ZNF860: variants seen among roughly 807,000 people sequenced by gnomAD.
ZNF860 encodes zinc finger protein 860.
For missense variants in ZNF860, 641 were observed against 759.2 expected (o/e 0.84, Z 1.83); for synonymous variants, 206 against 248.9 (o/e 0.83, Z 1.62).
chr3:31,998,045 G>A, the ZNF860 span, among the ~76,000 whole-genome samples: 15 of 152,146 alleles, frequency 9.9e-5, no homozygotes, highest in South Asian at 1.9e-3. Flanking sequence ...CTCCCGCCTC[G>A]GCCTCCTGAA....
Position 31,990,133 on chromosome 3 carries a change from A to T in ZNF860, c.1054A>T (p.Arg352Trp). The change falls in exon 2 of 2, where the codon AGG (arginine) becomes TGG (tryptophan). Residue 352 changes from arginine (R) to tryptophan (W), a missense_variant. Transcript: ENST00000360311. ...YKCKVCEKAF[R>W]RDSHLTQHTR... is the part of the protein sequence containing the mutation. ...ATGTAAGGTTTGTGAAAAGGCTTTC[A>T]GGCGTGATTCACACCTCACACAACA... 6.2e-7 allele frequency: 1 copy of T among 1,611,670 alleles called. No homozygotes were observed. The highest frequency in any genetic ancestry group is 8.5e-7 in the Non-Finnish European group (1 of 1,178,538).
Position 31,988,848 on chromosome 3 carries a change from G to A in ZNF860, c.-232G>A, listed in dbSNP as rs1025128289. On this transcript the variant is annotated 5_prime_UTR_variant, in exon 2 of 2. Coordinates refer to ENST00000360311, the MANE Select transcript of ZNF860 (RefSeq NM_001137674.3). Reference sequence around the variant, plus strand: ...TCACCAGTCAAGCCTTGAGATGACTGCAGCCATGACCCACAGCTTGACTAC... The same window carrying A: ...TCACCAGTCAAGCCTTGAGATGACTACAGCCATGACCCACAGCTTGACTAC... 8.6e-6 allele frequency: 5 copies of A among 583,170 alleles called. No homozygotes were observed. In the Admixed American group the frequency reaches 1.5e-4, roughly 18 times the overall value. The allele number at this position is 583,170 out of a possible 1,614,324, so 36.1% of individuals were successfully genotyped here. A position where few individuals can be genotyped will look rare whatever the true frequency, so the allele number is the denominator to read the frequency against.
rs1166721946 is a variant in ZNF860, at chr3:31,989,870, G to T, written c.791G>T (p.Gly264Val). ...AAACAATATAAATGTGATGTATGTGGCAAGGTCTTTAATCAGAAGCGATAC... is the reference window on the plus strand; with the variant it reads ...AAACAATATAAATGTGATGTATGTGTCAAGGTCTTTAATCAGAAGCGATAC... ...GGKQYKCDVC[G>V]KVFNQKRYLA... Residue 264 changes from glycine to valine, a missense_variant, in exon 2 of 2, where the codon GGC (glycine) becomes GTC (valine). Transcript: ENST00000360311. 2 of 1,613,952 alleles carry T rather than the reference G, an allele frequency of 1.2e-6. No homozygotes were observed. Among genetic ancestry groups the T allele is most frequent in the African/African-American group, 2.7e-5 (2 of 74,888 alleles).
At position 31,989,448 on chromosome 3, in the gene ZNF860, C is replaced by T. The variant is rs753185766; in HGVS notation, c.369C>T (p.Ser123=). 1 of 1,614,148 alleles carries T rather than the reference C, an allele frequency of 6.2e-7. No homozygotes were observed. The highest frequency in any genetic ancestry group is 1.1e-5 in the South Asian group (1 of 91,078). ...EFQWQEDKRN[S]HEATMTQIKK... is the part of the protein sequence containing the mutation. Reference sequence around the variant, plus strand: ...AATGGCAAGAAGACAAAAGAAATAGCCATGAAGCAACTATGACACAAATCA... The same window carrying T: ...AATGGCAAGAAGACAAAAGAAATAGTCATGAAGCAACTATGACACAAATCA... The change falls in exon 2 of 2, where the codon AGC becomes AGT. Residue 123 remains serine, a synonymous_variant. Transcript: ENST00000360311.
At chr3:31,986,998 C>T (rs1001906055) in intron 1 of ZNF860, among the ~76,000 whole-genome samples, 1 of 151,960 alleles carries the variant, frequency 6.6e-6, no homozygotes, top group African/African-American at 2.4e-5. Flanking sequence ...CAGAGCAAGA[C>T]CCTATCTCAA....
At chr3:32,002,286 A>C in the ZNF860 span, among the ~76,000 whole-genome samples, 1 of 152,196 alleles carries the variant, frequency 6.6e-6, no homozygotes, top group African/African-American at 2.4e-5. Flanking sequence ...ACTCTGAAAA[A>C]GCCTACAAAG....
downstream of ZNF860, among the ~76,000 whole-genome samples, chr3:31,994,801 C>A (rs2125525900): frequency 6.6e-6 from 1 of 152,242 alleles, no homozygotes; most frequent in South Asian, 2.1e-4. Context: ...AAAACAAATA[C>A]CCCAGTATCA....
chr3:31,994,542 C>T (rs1427009274), downstream of ZNF860, among the ~76,000 whole-genome samples: 1 of 151,080 alleles, frequency 6.6e-6, no homozygotes, highest in East Asian at 2.0e-4. Context: ...GGATGGTCTG[C>T]CAGCCTAACT....
chr3:31,998,393 T>C, the ZNF860 span, among the ~76,000 whole-genome samples: 2 of 152,146 alleles, frequency 1.3e-5, no homozygotes, highest in African/African-American at 4.8e-5. Context: ...AGTCTGTTGA[T>C]TTCTTGCTAG....
At position 31,990,239 on chromosome 3, in the gene ZNF860, A is replaced by C. The variant is rs1426313994; in HGVS notation, c.1160A>C (p.His387Pro). Reference sequence around the variant, plus strand: ...TTTAGTGGGCAGTCAACACTTATTCACCATCAAGCAATCCATGGTATAGGG... The same window carrying C: ...TTTAGTGGGCAGTCAACACTTATTCCCCATCAAGCAATCCATGGTATAGGG... The part of the protein sequence containing the change: ...KAFSGQSTLI[H>P]HQAIHGIGKL... Residue 387 changes from histidine to proline, a missense_variant, in exon 2 of 2, where the codon CAC becomes CCC. Physicochemically the swap from His to Pro is moderately conservative, Grantham distance 77. Coordinates refer to ENST00000360311, the MANE Select transcript of ZNF860 (RefSeq NM_001137674.3). 1.2e-6 allele frequency: 2 copies of C among 1,613,784 alleles called. No individual in the cohort carries two copies. Among genetic ancestry groups the C allele is most frequent in the Non-Finnish European group, 1.7e-6 (2 of 1,179,864 alleles).
rs1699021738 is a variant in ZNF860 at position 31,991,030 on chromosome 3, A to G, written c.*52A>G. ...AATTCATTCCTGAGATAATTGTTCCAAATGCAATGAGTATAGCAAACCATC... is the reference window on the plus strand; with the variant it reads ...AATTCATTCCTGAGATAATTGTTCCGAATGCAATGAGTATAGCAAACCATC... On this transcript the variant is annotated 3_prime_UTR_variant, in exon 2 of 2. Coordinates refer to ENST00000360311, the MANE Select transcript of ZNF860 (RefSeq NM_001137674.3). 1.7e-5 allele frequency: 25 copies of G among 1,490,516 alleles called. No individual in the cohort carries two copies. In the South Asian group the frequency reaches 3.2e-4, roughly 19 times the overall value. The allele number at this position is 1,490,516 out of a possible 1,614,324, so 92.3% of individuals were successfully genotyped here.
In ZNF860 at chr3:31,989,600, A is replaced by T; in HGVS notation, c.521A>T (p.Lys174Ile). Reference sequence around the variant, plus strand: ...CTCCACATATTTCAGACCAAAGGGAAAGTTGGTAATCAAGTTGAGAAGTCT... The same window carrying T: ...CTCCACATATTTCAGACCAAAGGGATAGTTGGTAATCAAGTTGAGAAGTCT... ...PELHIFQTKG[K>I]VGNQVEKSIN... Residue 174 changes from lysine to isoleucine, a missense_variant, in exon 2 of 2, where the codon AAA becomes ATA. By Grantham distance (102) the Lys-to-Ile change is moderately radical. Coordinates refer to ENST00000360311, the MANE Select transcript of ZNF860 (RefSeq NM_001137674.3). 3.7e-6 allele frequency: 6 copies of T among 1,614,196 alleles called. No individual in the cohort carries two copies. Among genetic ancestry groups the T allele is most frequent in the Non-Finnish European group, 5.1e-6 (6 of 1,180,018 alleles).
intron 1 of ZNF860, among the ~76,000 whole-genome samples, chr3:31,985,751 G>A (rs2125515056): frequency 6.6e-6 from 1 of 152,318 alleles, no homozygotes; most frequent in East Asian, 1.9e-4. Flanking sequence ...GGTCTGATGT[G>A]TTGTACGTCC....
downstream of ZNF860, among the ~76,000 whole-genome samples, chr3:31,992,100 C>T (rs1446022862): frequency 3.3e-5 from 5 of 149,624 alleles, no homozygotes; most frequent in Non-Finnish European, 4.4e-5. Flanking sequence ...GAGCCAGGAT[C>T]GCCCCACTGC....
At chr3:31,984,573 A>G (rs1002720808) in intron 1 of ZNF860, among the ~76,000 whole-genome samples, 2 of 152,166 alleles carry the variant, frequency 1.3e-5, no homozygotes, top group Admixed American at 6.5e-5. Context: ...ACAAATCTTA[A>G]GTTTTACAAT....
the ZNF860 span, among the ~76,000 whole-genome samples, chr3:31,999,754 T>A: frequency 6.6e-6 from 1 of 152,154 alleles, no homozygotes; most frequent in Non-Finnish European, 1.5e-5. Context: ...ATGTCAGGGA[T>A]CACCTTTTCC....
rs186296625 is a variant in ZNF860 at position 31,988,859 on chromosome 3, C to T, written c.-221C>T. 2.0e-5 allele frequency: 12 copies of T among 604,438 alleles called. 1 individual carries two copies. The East Asian group carries it at 3.4e-4, about 17-fold the overall frequency. The allele number at this position is 604,438 out of a possible 1,614,324, so 37.4% of individuals were successfully genotyped here. A position where few individuals can be genotyped will look rare whatever the true frequency, so the allele number is the denominator to read the frequency against. On this transcript the variant is annotated 5_prime_UTR_variant, in exon 2 of 2. Transcript: ENST00000360311. ...GCCTTGAGATGACTGCAGCCATGAC[C>T]CACAGCTTGACTACAACCCAGAGAG...
intron 1 of ZNF860, among the ~76,000 whole-genome samples, chr3:31,984,693 C>G (rs1190735770): frequency 6.6e-6 from 1 of 152,202 alleles, no homozygotes; most frequent in African/African-American, 2.4e-5. Flanking sequence ...TCAGACCTCT[C>G]TTAAGCCTGT....
chr3:31,987,984 G>C (rs954281317), intron 1 of ZNF860, among the ~76,000 whole-genome samples: 1 of 152,208 alleles, frequency 6.6e-6, no homozygotes, highest in Admixed American at 6.5e-5. Context: ...GGATGATTAA[G>C]AGGGCAAAAC....
Sources: allele counts gnomAD v4.1 joint callset (sites outside exome capture counted in the v4.1 genomes callset), GRCh38; gene constraint gnomAD v4.1.1; transcripts MANE v1.5; gene names NCBI Gene and HGNC (gene_info 2026-07-23, HGNC 2026-07-21).